The following COL25A1 variants were observed in gnomAD, a reference collection of about 807,000 sequenced individuals.
COL25A1 encodes the protein collagen type XXV alpha 1 chain.
In COL25A1, 103 loss-of-function variants were observed where a neutral mutation model predicts 128.4. The ratio of observed to expected loss-of-function variants is 0.80; its 90% CI spans 0.68 to 0.94. The LOEUF (loss-of-function observed/expected upper bound fraction) is 0.94. Ranked by LOEUF, COL25A1 falls within the 40% of genes least tolerant of loss-of-function variation. COL25A1 has a pLI of 0.00. For synonymous variants in COL25A1, 279 were observed against 277.2 expected (o/e 1.01, Z -0.06); for missense variants, 745 against 840.0 (o/e 0.89, Z 1.40).
intron 32 of COL25A1, among the ~76,000 whole-genome samples, chr4:108,828,376 C>T: frequency 6.6e-6 from 1 of 152,092 alleles, no homozygotes; most frequent in East Asian, 1.9e-4. Context: ...TTCAGGTGAT[C>T]CACCCACCTG....
At chr4:109,144,729 C>T (rs770591542) in intron 3 of COL25A1, among the ~76,000 whole-genome samples, 3 of 152,208 alleles carry the variant, frequency 2.0e-5, no homozygotes, top group Non-Finnish European at 2.9e-5. Context: ...ATGTCTAAGT[C>T]CATGGCCCAC....
intron 3 of COL25A1, among the ~76,000 whole-genome samples, chr4:109,100,527 G>A (rs1465975471): frequency 6.6e-6 from 1 of 151,572 alleles, no homozygotes; most frequent in African/African-American, 2.4e-5. Flanking sequence ...CTGTCTGTGG[G>A]TGATTGAAAT....
rs182237919 is a variant in COL25A1, at chr4:109,245,459, T to A, written c.367+55124A>T. 1.3e-3 allele frequency among the ~76,000 whole-genome samples: 195 copies of A among 152,274 alleles called. 1 individual carries two copies. Among genetic ancestry groups the A allele is most frequent in the Middle Eastern group, 6.8e-3 (2 of 294 alleles). ...GAAATAACAAAGGTATCCTATCATATGTGTGGAGCATGGTGATGACAGAAT... is the reference window on the plus strand; with the variant it reads ...GAAATAACAAAGGTATCCTATCATAAGTGTGGAGCATGGTGATGACAGAAT... On this transcript the variant is annotated intron_variant, in intron 3 of 37. Coordinates refer to ENST00000399132, the MANE Select transcript of COL25A1 (RefSeq NM_198721.4).
intron 5 of COL25A1, among the ~76,000 whole-genome samples, chr4:109,043,346 A>G (rs966843512): frequency 6.6e-6 from 1 of 152,064 alleles, no homozygotes; most frequent in African/African-American, 2.4e-5. Context: ...CATCTACCAC[A>G]TTGGCAGAAA....
At chr4:109,039,678 C>G (rs1759687196) in intron 5 of COL25A1, among the ~76,000 whole-genome samples, 1 of 152,162 alleles carries the variant, frequency 6.6e-6, no homozygotes, top group Admixed American at 6.5e-5. Flanking sequence ...ACCTTGAAGA[C>G]AAAAGTCACG....
intron 3 of COL25A1, among the ~76,000 whole-genome samples, chr4:109,238,188 T>C (rs1779597305): frequency 6.6e-6 from 1 of 152,128 alleles, no homozygotes; most frequent in Admixed American, 6.6e-5. Flanking sequence ...ATAAGTGGAA[T>C]TGCTGGATCT....
At chr4:108,838,235 G>A in intron 31 of COL25A1, 1 of 1,196,098 alleles carries the variant, frequency 8.4e-7, no homozygotes. Context: ...TAAACTGTGA[G>A]AGAAGAGAGC....
chr4:109,301,863 C>T lies in COL25A1; in HGVS notation c.157G>A (p.Gly53Ser), dbSNP rs200797889. 6.2e-7 allele frequency: 1 copy of T among 1,614,212 alleles called. No homozygotes were observed. The highest frequency in any genetic ancestry group is 1.3e-5 in the African/African-American group (1 of 75,066). Residue 53 changes from glycine to serine, a missense_variant, in exon 2 of 38, where the codon GGT (glycine) becomes AGT (serine). Gly to Ser is a moderately conservative substitution (Grantham distance 56). This residue lies in a region of COL25A1 where 319 missense variants were observed against 324.9 expected (regional missense o/e 0.98). Coordinates refer to ENST00000399132, the MANE Select transcript of COL25A1 (RefSeq NM_198721.4). ...VVAVVSCLYL[G>S]VKTNDLQARI... is the part of the protein sequence containing the mutation. The stretch of plus-strand genomic sequence containing the variant: ...GCCTGGAGGTCGTTGGTTTTCACAC[C>T]CAGGTACAGGCAAGACACCACGGCC...
intron 3 of COL25A1, among the ~76,000 whole-genome samples, chr4:109,243,683 A>T (rs920459368): frequency 6.6e-6 from 1 of 152,060 alleles, no homozygotes; most frequent in African/African-American, 2.4e-5. Flanking sequence ...AAATAGCCTT[A>T]AATTCCAATA....
At chr4:109,072,474 C>A (rs1020508018) in intron 3 of COL25A1, among the ~76,000 whole-genome samples, 1 of 152,146 alleles carries the variant, frequency 6.6e-6, no homozygotes, top group Non-Finnish European at 1.5e-5. Context: ...TTACTATTAT[C>A]ATTGATGTTT....
chr4:109,003,918 G>C (rs542169066), intron 6 of COL25A1, among the ~76,000 whole-genome samples: 18 of 152,158 alleles, frequency 1.2e-4, no homozygotes, highest in African/African-American at 4.3e-4. Context: ...CCAAGTTGCT[G>C]TGACATTATT....
At chr4:108,939,585 G>C (rs1378558855) in intron 10 of COL25A1, among the ~76,000 whole-genome samples, 2 of 151,906 alleles carry the variant, frequency 1.3e-5, no homozygotes, top group East Asian at 3.9e-4. Context: ...AATGAGTATG[G>C]TAAAAGAAAA....
chr4:109,239,844 T>C (rs1214314697), intron 3 of COL25A1, among the ~76,000 whole-genome samples: 1 of 152,108 alleles, frequency 6.6e-6, no homozygotes, highest in Non-Finnish European at 1.5e-5. Context: ...CACAAACACA[T>C]TGTACACTTC....
intron 22 of COL25A1, among the ~76,000 whole-genome samples, chr4:108,861,453 G>C (rs1737213878): frequency 6.6e-6 from 1 of 152,182 alleles, no homozygotes; most frequent in South Asian, 2.1e-4. Context: ...TCACAGGCTA[G>C]GCCTCCCTCT....
At chr4:108,889,295 A>C (rs765264297) in intron 17 of COL25A1, 39 bp from the exon 18 acceptor site, 1 of 1,610,720 alleles carries the variant, frequency 6.2e-7, no homozygotes, top group Non-Finnish European at 8.5e-7. Flanking sequence ...CACAGTCTTA[A>C]AAGAATTTTC....
intron 11 of COL25A1, among the ~76,000 whole-genome samples, chr4:108,937,011 C>T (rs1003254429): frequency 6.6e-6 from 1 of 152,040 alleles, no homozygotes; most frequent in Non-Finnish European, 1.5e-5. Flanking sequence ...AAGTGTCAAG[C>T]TGATTGTGGT....
At chr4:108,972,275 AT>A (rs1167802759) in intron 8 of COL25A1, among the ~76,000 whole-genome samples, 1 of 152,196 alleles carries the variant, frequency 6.6e-6, no homozygotes, top group Non-Finnish European at 1.5e-5. Context: ...CAAACTCTAC[AT>A]TTAAAAAAAA....
chr4:109,299,400 T>G (rs1215637173), intron 3 of COL25A1, among the ~76,000 whole-genome samples: 1 of 152,164 alleles, frequency 6.6e-6, no homozygotes, highest in Non-Finnish European at 1.5e-5. Context: ...ATATGTCTTC[T>G]CGATCAAAAG....
intron 8 of COL25A1, among the ~76,000 whole-genome samples, chr4:108,964,069 TTTAA>T (rs1240711990): frequency 6.0e-5 from 9 of 149,848 alleles, no homozygotes; most frequent in Non-Finnish European, 7.4e-5. Flanking sequence ...ATGTGAATAA[TTTAA>T]TTAAATAATG....
Sources: allele counts gnomAD v4.1 joint callset (sites outside exome capture counted in the v4.1 genomes callset), GRCh38; gene constraint gnomAD v4.1.1; regional missense constraint gnomAD v4.1.1; transcripts MANE v1.5; gene names NCBI Gene and HGNC (gene_info 2026-07-23, HGNC 2026-07-21).